The following C13orf42 variants were observed in gnomAD, a reference collection of about 807,000 sequenced individuals.
C13orf42 encodes uncharacterized protein C13orf42.
Position 51,109,252 on chromosome 13 carries a change from T to C in C13orf42, c.414+1544A>G, listed in dbSNP as rs75562920. 5.7e-3 allele frequency among the ~76,000 whole-genome samples: 869 copies of C among 152,264 alleles called. 6 individuals are homozygous for C. The highest frequency in any genetic ancestry group is 0.02 in the African/African-American group (839 of 41,526). On this transcript the variant is annotated intron_variant, in intron 1 of 3. Transcript: ENST00000563710. ...ATAACATGCAGACAGTTGAAACCAA[T>C]TGGGTTAGGCCAAGCCCTAGAGATT... is the stretch of plus-strand genomic sequence containing the variant.
At chr13:51,121,580 G>C (rs1423797250) in intron 1 of C13orf42, among the ~76,000 whole-genome samples, 1 of 142,462 alleles carries the variant, frequency 7.0e-6, no homozygotes, top group Non-Finnish European at 1.5e-5. Context: ...CTGCTGCCCA[G>C]GCTGGAGTGC....
intron 1 of C13orf42, among the ~76,000 whole-genome samples, chr13:51,149,182 G>A (rs1331614268): frequency 6.6e-6 from 1 of 152,088 alleles, no homozygotes; most frequent in African/African-American, 2.4e-5. Context: ...TGGGGTTCTT[G>A]ATCTCTGCAG....
intron 1 of C13orf42, among the ~76,000 whole-genome samples, chr13:51,095,807 T>A (rs948968367): frequency 1.3e-5 from 2 of 152,206 alleles, no homozygotes; most frequent in African/African-American, 4.8e-5. Context: ...TATAATTTTT[T>A]AAAATTTTCC....
chr13:51,147,080 G>A (rs997662688), intron 1 of C13orf42, among the ~76,000 whole-genome samples: 1 of 152,248 alleles, frequency 6.6e-6, no homozygotes, highest in African/African-American at 2.4e-5. Flanking sequence ...GGCAGGCCAG[G>A]GGAGAGGTGG....
chr13:51,166,704 T>G (rs1250071419), intron 1 of C13orf42, among the ~76,000 whole-genome samples: 1 of 152,102 alleles, frequency 6.6e-6, no homozygotes, highest in Non-Finnish European at 1.5e-5. Flanking sequence ...ATCTCAAGGT[T>G]GTCTAAAAAA....
chr13:51,131,909 A>G (rs1438394063), intron 1 of C13orf42, among the ~76,000 whole-genome samples: 2 of 152,192 alleles, frequency 1.3e-5, no homozygotes, highest in East Asian at 3.9e-4. Flanking sequence ...GCTTATTCCT[A>G]TGAAGCAACC....
intron 2 of C13orf42, 78 bp downstream of exon 2, chr13:51,087,850 G>GC: frequency 2.5e-6 from 1 of 397,834 alleles, no homozygotes. Flanking sequence ...CCACCCCAGA[G>GC]CCCCCAGCCC....
chr13:51,171,432 A>C (rs1419798834), intron 1 of C13orf42, among the ~76,000 whole-genome samples: 1 of 151,868 alleles, frequency 6.6e-6, no homozygotes, highest in African/African-American at 2.4e-5. Context: ...ACTCGTCCCA[A>C]ATCTTCCTTC....
intron 1 of C13orf42, among the ~76,000 whole-genome samples, chr13:51,150,502 C>A (rs999754318): frequency 6.6e-6 from 1 of 152,172 alleles, no homozygotes; most frequent in African/African-American, 2.4e-5. Context: ...CTGGTCACAA[C>A]CAAAACATAT....
At chr13:51,093,884 T>G (rs1042934729) in intron 1 of C13orf42, among the ~76,000 whole-genome samples, 2 of 152,194 alleles carry the variant, frequency 1.3e-5, no homozygotes, top group Non-Finnish European at 2.9e-5. Context: ...GCAGAATACT[T>G]GCTCTTTTTT....
chr13:51,125,116 C>G (rs1953565684), intron 1 of C13orf42, among the ~76,000 whole-genome samples: 1 of 152,162 alleles, frequency 6.6e-6, no homozygotes, highest in Admixed American at 6.5e-5. Flanking sequence ...TAGCAGCCTG[C>G]CTTGCCTCTC....
intron 1 of C13orf42, among the ~76,000 whole-genome samples, chr13:51,156,777 C>G (rs755412515): frequency 3.9e-5 from 6 of 152,138 alleles, no homozygotes; most frequent in Non-Finnish European, 8.8e-5. Flanking sequence ...TTGTTCAGCT[C>G]TCATGGGCAT....
rs545590796 is a variant in C13orf42, at chr13:51,146,778, T to C, written n.136+25475A>G. ...AGCAGAGGGATAACTTTGAATAGAATGGGAGGTGGGTTTGCCCTAAGCAGT... is the reference window on the plus strand; with the variant it reads ...AGCAGAGGGATAACTTTGAATAGAACGGGAGGTGGGTTTGCCCTAAGCAGT... On this transcript the variant is annotated intron_variant and non_coding_transcript_variant, in intron 1 of 4. Transcript: ENST00000433280. Among the ~76,000 whole-genome samples the C allele has an allele frequency of 8.5e-5, 13 of 152,360 alleles. No individual in the cohort carries two copies. In the East Asian group the frequency reaches 2.5e-3, roughly 29 times the overall value.
At chr13:51,116,881 A>G (rs1207739446) in intron 1 of C13orf42, among the ~76,000 whole-genome samples, 2 of 152,246 alleles carry the variant, frequency 1.3e-5, no homozygotes, top group African/African-American at 4.8e-5. Flanking sequence ...CTCTCCAGTG[A>G]GGTGGCCGGA....
chr13:51,150,328 C>T (rs1301566140), intron 1 of C13orf42, among the ~76,000 whole-genome samples: 1 of 152,158 alleles, frequency 6.6e-6, no homozygotes, highest in Non-Finnish European at 1.5e-5. Flanking sequence ...TTACAGCCAC[C>T]AGCGTATCCT....
At chr13:51,089,506 G>A (rs956848918) in intron 1 of C13orf42, among the ~76,000 whole-genome samples, 1 of 152,044 alleles carries the variant, frequency 6.6e-6, no homozygotes, top group East Asian at 1.9e-4. Context: ...TGGTTTAAAA[G>A]TGTGGCACCT....
At chr13:51,164,276 G>A (rs1389159096) in intron 1 of C13orf42, among the ~76,000 whole-genome samples, 2 of 152,190 alleles carry the variant, frequency 1.3e-5, no homozygotes, top group South Asian at 2.1e-4. Context: ...ACCTTGTGTG[G>A]CTTGTTCACC....
At chr13:51,160,241 G>A (rs1365383231) in intron 1 of C13orf42, among the ~76,000 whole-genome samples, 1 of 152,208 alleles carries the variant, frequency 6.6e-6, no homozygotes, top group African/African-American at 2.4e-5. Flanking sequence ...GGACGAGAAT[G>A]GTGGCTCACG....
At chr13:51,113,672 C>A (rs1418018265), upstream of C13orf42, among the ~76,000 whole-genome samples, 1 of 152,066 alleles carries the variant, frequency 6.6e-6, no homozygotes, top group Non-Finnish European at 1.5e-5. Flanking sequence ...CCTCAGCAAT[C>A]CTCCTGCCTC....
Sources: gnomAD v4.1 joint callset for allele counts (sites outside exome capture counted in the v4.1 genomes callset) on GRCh38, gnomAD v4.1.1 for gene constraint, MANE v1.5 for transcripts, NCBI Gene and HGNC (gene_info 2026-07-23, HGNC 2026-07-21) for gene names.